CAPS2: variants seen among roughly 807,000 people sequenced by gnomAD.
The protein encoded by CAPS2 is calcyphosin-2.
A neutral mutation model predicts 86.5 loss-of-function variants in CAPS2; 98 were observed. The ratio of observed to expected loss-of-function variants is 1.13; its 90% CI spans 0.96 to 1.34. CAPS2 has a LOEUF of 1.34. Among genes scored for constraint, CAPS2 ranks in the 40% most tolerant of loss-of-function variants. CAPS2 has a pLI of 0.00. For missense variants in CAPS2, 729 were observed against 686.8 expected (o/e 1.06, Z -0.69); for synonymous variants, 210 against 225.1 (o/e 0.93, Z 0.60).
chr12:75,326,601 A>G (rs1206204038), upstream of CAPS2: 1 of 713,608 alleles, frequency 1.4e-6, no homozygotes, highest in Non-Finnish European at 2.5e-6. Context: ...AAATTACCTA[A>G]CAAGTCTACC....
chr12:75,346,683 T>C (rs2042472400), intron 1 of CAPS2, among the ~76,000 whole-genome samples: 1 of 152,204 alleles, frequency 6.6e-6, no homozygotes, highest in South Asian at 2.1e-4. Context: ...TCACTTTGAT[T>C]TTTCTTGCAC....
At chr12:75,276,708 T>A (rs535190248), downstream of CAPS2, 7 of 787,612 alleles carry the variant, frequency 8.9e-6, no homozygotes, top group Non-Finnish European at 1.1e-5. Flanking sequence ...GAAAAATCAG[T>A]ATATACAATT....
intron 1 of CAPS2, among the ~76,000 whole-genome samples, chr12:75,368,974 T>C (rs781597318): frequency 3.3e-5 from 5 of 152,022 alleles, no homozygotes; most frequent in Admixed American, 6.6e-5. Context: ...TGTAGTTATG[T>C]TTCATTTATG....
chr12:75,355,630 A>G lies in CAPS2; in HGVS notation c.-394-32408T>C, dbSNP rs1354535125. Among the ~76,000 whole-genome samples the G allele has an allele frequency of 3.9e-5, 6 of 152,208 alleles. No homozygotes were observed. In the South Asian group the frequency reaches 1.0e-3, roughly 26 times the overall value. On this transcript the variant is annotated intron_variant, in intron 1 of 5. Transcript: ENST00000551829. Reference sequence around the variant, plus strand: ...TGACCCAGCAATCCCATCGCTAGGTATATACCCAAAAAATATAAATTATTC... The same window carrying G: ...TGACCCAGCAATCCCATCGCTAGGTGTATACCCAAAAAATATAAATTATTC...
At chr12:75,325,310 T>C (rs1204943222) in intron 1 of CAPS2, 22 bp from the exon 3 acceptor site, 1 of 1,485,872 alleles carries the variant, frequency 6.7e-7, no homozygotes, top group African/African-American at 1.4e-5. Flanking sequence ...AAAAAAACTT[T>C]TTGAATCAGT....
chr12:75,385,157 C>T (rs1013730219), intron 1 of CAPS2, among the ~76,000 whole-genome samples: 10 of 152,146 alleles, frequency 6.6e-5, no homozygotes, highest in African/African-American at 2.4e-4. Context: ...TTTCACCAAA[C>T]GCAGCCCCTC....
chr12:75,284,774 T>C (rs1289766592), intron 15 of CAPS2, among the ~76,000 whole-genome samples, 187 bp downstream of exon 15: 1 of 152,128 alleles, frequency 6.6e-6, no homozygotes, highest in Non-Finnish European at 1.5e-5. Context: ...CTAAAATATA[T>C]ACACAAGTTA....
At chr12:75,386,406 C>A (rs2045294255) in intron 1 of CAPS2, among the ~76,000 whole-genome samples, 1 of 152,192 alleles carries the variant, frequency 6.6e-6, no homozygotes, top group African/African-American at 2.4e-5. Context: ...TGAGGGCCTG[C>A]TGGCTGTGTC....
upstream of CAPS2, chr12:75,334,652 G>A: frequency 6.4e-7 from 1 of 1,554,702 alleles, no homozygotes; most frequent in Non-Finnish European, 8.7e-7. Flanking sequence ...TGGTGCGGGG[G>A]CGTGGGGAAA....
At chr12:75,306,054 G>C (rs912072247) in intron 7 of CAPS2, 10 of 1,468,438 alleles carry the variant, frequency 6.8e-6, no homozygotes, top group Non-Finnish European at 9.3e-6. Context: ...CAGAGACAGC[G>C]CCGTCTAGAA....
At chr12:75,305,506 G>T in intron 7 of CAPS2, 1 of 604,402 alleles carries the variant, frequency 1.7e-6, no homozygotes, top group East Asian at 3.6e-5. Flanking sequence ...CTCCAGCTCC[G>T]AGGTGCATAG....
chr12:75,340,660 G>A (rs1235169467), intron 1 of CAPS2, among the ~76,000 whole-genome samples: 1 of 150,448 alleles, frequency 6.6e-6, no homozygotes, highest in African/African-American at 2.4e-5. Context: ...TACAAACTAG[G>A]AGAAAATATA....
intron 1 of CAPS2, among the ~76,000 whole-genome samples, chr12:75,372,361 C>A (rs2044415387): frequency 6.6e-6 from 1 of 152,172 alleles, no homozygotes; most frequent in South Asian, 2.1e-4. Context: ...AACACTATAA[C>A]TCTTGTTAGC....
intron 7 of CAPS2, chr12:75,305,980 C>G: frequency 2.2e-6 from 3 of 1,389,826 alleles, no homozygotes; most frequent in Non-Finnish European, 3.0e-6. Flanking sequence ...TGAGCAACAG[C>G]AGGGTCCTGA....
chr12:75,329,493 T>C (rs938437579), upstream of CAPS2, among the ~76,000 whole-genome samples: 9 of 151,514 alleles, frequency 5.9e-5, no homozygotes, highest in African/African-American at 2.2e-4. Flanking sequence ...TCATTTTTTT[T>C]TAAGGATGAC....
At chr12:75,304,448 A>G (rs534542238) in intron 8 of CAPS2, among the ~76,000 whole-genome samples, 196 of 152,332 alleles carry the variant, frequency 1.3e-3, no homozygotes, top group African/African-American at 4.5e-3. Context: ...TTTAGCCAGT[A>G]TATATAGCAC....
At chr12:75,313,268 C>T (rs2039421128) in intron 6 of CAPS2, among the ~76,000 whole-genome samples, 1 of 152,120 alleles carries the variant, frequency 6.6e-6, no homozygotes, top group East Asian at 1.9e-4. Flanking sequence ...CTGCAAAAGG[C>T]ATCTTAACCT....
chr12:75,375,143 T>C (rs1013498957), intron 1 of CAPS2, among the ~76,000 whole-genome samples: 3 of 152,164 alleles, frequency 2.0e-5, no homozygotes, highest in African/African-American at 7.2e-5. Context: ...CTCACCCTAT[T>C]GGTCAGGGAG....
At chr12:75,301,988 C>A (rs1180822963) in intron 8 of CAPS2, among the ~76,000 whole-genome samples, 32 of 152,134 alleles carry the variant, frequency 2.1e-4, no homozygotes. Flanking sequence ...CAACCACAAG[C>A]TACTCCTTAC....
Sources: allele counts gnomAD v4.1 joint callset (sites outside exome capture counted in the v4.1 genomes callset), GRCh38; gene constraint gnomAD v4.1.1; transcripts MANE v1.5; gene names NCBI Gene and HGNC (gene_info 2026-07-23, HGNC 2026-07-21).